Variants in WNT2B observed in about 807,000 individuals in gnomAD.
WNT2B encodes the protein Wnt family member 2B.
A neutral mutation model predicts 40.5 loss-of-function variants in WNT2B; 19 were observed. The observed-to-expected ratio is 0.47, with a 90% CI of 0.33 to 0.69. The LOEUF is 0.69. Ranked by LOEUF, WNT2B falls within the 30% of genes least tolerant of loss-of-function variation. WNT2B has a pLI of 0.02. For missense variants in WNT2B, 467 were observed against 556.4 expected, an observed-to-expected ratio of 0.84 and a Z score of 1.62; for synonymous variants, 220 against 211.9, an observed-to-expected ratio of 1.04 and a Z score of -0.33.
At chr1:112,499,037 C>T (rs1651865007) in intron 1 of WNT2B, among the ~76,000 whole-genome samples, 1 of 152,096 alleles carries the variant, frequency 6.6e-6, no homozygotes, top group Non-Finnish European at 1.5e-5. Flanking sequence ...GAAACCCCAT[C>T]TCTACTAAAA....
In WNT2B at chr1:112,525,966, C is replaced by A. The variant is rs1458932828; in HGVS notation, c.*5457C>A. 3.1e-6 allele frequency: 5 copies of A among 1,610,978 alleles called. No homozygotes were observed. In the South Asian group the frequency reaches 5.5e-5, roughly 18 times the overall value. ...TTACTGTCACTTTACAGATGCTGTT[C>A]AGAAAAATTTGGTGATTTGTCCAAG... On this transcript the variant is annotated 3_prime_UTR_variant, in exon 5 of 5. Transcript: ENST00000369684.
intron 1 of WNT2B, among the ~76,000 whole-genome samples, chr1:112,513,010 C>A (rs1298291559): frequency 6.6e-6 from 1 of 152,036 alleles, no homozygotes; most frequent in Non-Finnish European, 1.5e-5. Flanking sequence ...TAAGTCAGAC[C>A]ACAAGAAGGA....
At chr1:112,499,196 A>ATT (rs1651870256) in intron 1 of WNT2B, among the ~76,000 whole-genome samples, 2 of 117,504 alleles carry the variant, frequency 1.7e-5, no homozygotes, top group Admixed American at 9.6e-5. Flanking sequence ...ACAGAGCAAG[A>ATT]CTGTCTCAAA....
rs563601443 is a variant in WNT2B, at chr1:112,511,940, A to G, written c.182+2496A>G. On this transcript the variant is annotated intron_variant, in intron 1 of 4. Transcript: ENST00000369684. ...TGAGATGGGTTCTATTATCATCCTT[A>G]TTTCACAAATGAAAGTGAGGGATGC... 2.0e-4 allele frequency among the ~76,000 whole-genome samples: 30 copies of G among 152,298 alleles called. 2 individuals are homozygous for G. In the South Asian group the frequency reaches 6.0e-3, roughly 31 times the overall value.
chr1:112,525,876 G>T lies in WNT2B; in HGVS notation c.*5367G>T. ...CTAGGAATAACAATATTCATAAGAA[G>T]CTTTTTCATATGCAAAATGCTTTAG... On this transcript the variant is annotated 3_prime_UTR_variant, in exon 5 of 5. Coordinates refer to ENST00000369684, the MANE Select transcript of WNT2B (RefSeq NM_024494.3). The T allele has an allele frequency of 8.1e-7, 1 of 1,227,194 alleles. No individual in the cohort carries two copies. 76.0% of individuals were successfully genotyped at this position (1,227,194 alleles called of 1,614,324 possible).
Position 112,525,721 on chromosome 1 carries a change from G to A in WNT2B, c.*5212G>A. The A allele has an allele frequency of 3.8e-6, 1 of 264,926 alleles. No individual in the cohort carries two copies. The highest frequency in any genetic ancestry group is 7.2e-6 in the Non-Finnish European group (1 of 138,834). The allele number at this position is 264,926 out of a possible 1,614,324, so 16.4% of individuals were successfully genotyped here. ...TTGACCAAAGGAGCCAAAATGCGGT[G>A]ACTTGACTTCAACCCCAACAGCCCC... On this transcript the variant is annotated 3_prime_UTR_variant, in exon 5 of 5. Transcript: ENST00000369684.
Position 112,509,209 on chromosome 1 carries a change from A to G in WNT2B, c.-54A>G, listed in dbSNP as rs895778920. 51 of 1,450,926 alleles carry G rather than the reference A, an allele frequency of 3.5e-5. No homozygotes were observed. The highest frequency in any genetic ancestry group is 2.7e-4 in the South Asian group (19 of 70,564). The allele number at this position is 1,450,926 out of a possible 1,614,324, so 89.9% of individuals were successfully genotyped here. A position where few individuals can be genotyped will look rare whatever the true frequency, so the allele number is the denominator to read the frequency against. The stretch of plus-strand genomic sequence containing the variant: ...GTAGGAGCAGCCTGAGTACCCCCAG[A>G]AGGTGCCCCGTCCACGCCCCTCCGG... On this transcript the variant is annotated 5_prime_UTR_variant, in exon 1 of 5. Coordinates refer to ENST00000369684, the MANE Select transcript of WNT2B (RefSeq NM_024494.3). The surrounding 1 kb of genome is among the most constrained non-coding windows in gnomAD (Gnocchi z 4.2).
At position 112,515,522 on chromosome 1, in the gene WNT2B, ATT is replaced by A. The variant is rs942859209; in HGVS notation, c.403+430_403+431del. 4.6e-5 allele frequency among the ~76,000 whole-genome samples: 7 copies of A among 152,240 alleles called. No homozygotes were observed. The highest frequency in any genetic ancestry group is 1.4e-4 in the African/African-American group (6 of 41,454). On this transcript the variant is annotated intron_variant, in intron 2 of 4. Transcript: ENST00000369684. The surrounding 1 kb of genome is among the most constrained non-coding windows in gnomAD (Gnocchi z 4.4). ...ATAAACAGAAAGGTGATATGTAAATATTTGGAGAGTCAGTGGCTTGGCCTCAG... is the reference window on the plus strand; with the variant it reads ...ATAAACAGAAAGGTGATATGTAAATATGGAGAGTCAGTGGCTTGGCCTCAG...
intron 1 of WNT2B, among the ~76,000 whole-genome samples, chr1:112,502,827 T>C (rs772192916): frequency 7.9e-5 from 12 of 151,978 alleles, no homozygotes; most frequent in Non-Finnish European, 1.6e-4. Context: ...GGAGAGGGGA[T>C]TGCGGACAGG....
At chr1:112,490,545 A>G (rs1316498583) in intron 1 of WNT2B, among the ~76,000 whole-genome samples, 5 of 149,876 alleles carry the variant, frequency 3.3e-5, no homozygotes, top group African/African-American at 1.2e-4. Context: ...GTTGGAGTGC[A>G]GAGGCAGGAT....
intron 1 of WNT2B, among the ~76,000 whole-genome samples, chr1:112,485,037 T>G (rs1262156097): frequency 1.3e-5 from 2 of 152,232 alleles, no homozygotes; most frequent in Admixed American, 1.3e-4. Flanking sequence ...GGCTTTTTTG[T>G]AGAAATTGAC....
At chr1:112,489,324 C>T (rs1158997246) in intron 1 of WNT2B, among the ~76,000 whole-genome samples, 3 of 151,548 alleles carry the variant, frequency 2.0e-5, no homozygotes, top group East Asian at 1.9e-4. Flanking sequence ...TTTGGGAGGC[C>T]GAGGCGGGCA....
At chr1:112,488,302 A>G (rs1266274930) in intron 1 of WNT2B, among the ~76,000 whole-genome samples, 2 of 152,072 alleles carry the variant, frequency 1.3e-5, no homozygotes, top group African/African-American at 4.8e-5. Flanking sequence ...TGTCTCAAAC[A>G]AACAAACAAC....
intron 1 of WNT2B, among the ~76,000 whole-genome samples, chr1:112,500,897 T>G (rs1651929255): frequency 6.6e-6 from 1 of 152,236 alleles, no homozygotes; most frequent in Non-Finnish European, 1.5e-5. Context: ...ACACTACAAA[T>G]GTATGGTACA....
chr1:112,486,393 A>G (rs1039050312), intron 1 of WNT2B, among the ~76,000 whole-genome samples: 2 of 152,182 alleles, frequency 1.3e-5, no homozygotes, highest in Admixed American at 1.3e-4. Context: ...CAATGAGCCA[A>G]GGTCACACCA....
chr1:112,508,722 G>T, upstream of WNT2B: 1 of 985,968 alleles, frequency 1.0e-6, no homozygotes, highest in Non-Finnish European at 1.2e-6. This position sits in a 1 kb window ranked among gnomAD's most constrained non-coding sequence, Gnocchi z 4.2. Context: ...GGTGTCGGCA[G>T]GGACTGGGCG....
At chr1:112,499,353 A>G (rs1459122110) in intron 1 of WNT2B, among the ~76,000 whole-genome samples, 1 of 152,254 alleles carries the variant, frequency 6.6e-6, no homozygotes, top group African/African-American at 2.4e-5. Context: ...CAAAGACATT[A>G]TATGAAAACT....
chr1:112,508,464 C>A (rs1473206475), upstream of WNT2B, among the ~76,000 whole-genome samples: 1 of 151,928 alleles, frequency 6.6e-6, no homozygotes, highest in Non-Finnish European at 1.5e-5. The surrounding 1 kb of genome is among the most constrained non-coding windows in gnomAD (Gnocchi z 4.2). Flanking sequence ...AAGCCGACTG[C>A]CCACGGCGCT....
At chr1:112,474,894 C>A (rs570941570) in intron 1 of WNT2B, among the ~76,000 whole-genome samples, 16 of 152,162 alleles carry the variant, frequency 1.1e-4, no homozygotes, top group South Asian at 4.2e-4. Flanking sequence ...CAATCCCCCA[C>A]ACACACACCC....
Sources: allele counts gnomAD v4.1 joint callset (sites outside exome capture counted in the v4.1 genomes callset), GRCh38; gene constraint gnomAD v4.1.1; non-coding constraint Gnocchi (gnomAD v3.1); transcripts MANE v1.5; gene names NCBI Gene and HGNC (gene_info 2026-07-23, HGNC 2026-07-21).